Variants in DIAPH3 observed in about 807,000 individuals in gnomAD.
The protein encoded by DIAPH3 is diaphanous related formin 3.
Under a neutral mutation model 144.3 loss-of-function variants are expected in DIAPH3, and 117 were observed. That is an observed-to-expected ratio of 0.81 (90% confidence interval 0.70 to 0.95). DIAPH3 has a LOEUF of 0.95. Ranked by LOEUF, DIAPH3 falls within the 40% of genes least tolerant of loss-of-function variation. The pLI, the probability that DIAPH3 is intolerant of heterozygous loss-of-function variation, is 0.00. For missense variants in DIAPH3, 1,421 were observed against 1,412.7 expected, an observed-to-expected ratio of 1.01 and a Z score of -0.09; for synonymous variants, 519 against 488.9, an observed-to-expected ratio of 1.06 and a Z score of -0.81.
chr13:59,777,450 T>C (rs2038479721), intron 25 of DIAPH3, among the ~76,000 whole-genome samples: 1 of 152,082 alleles, frequency 6.6e-6, no homozygotes. Context: ...ACTACAAAAT[T>C]CACCACATTA....
At chr13:59,997,108 G>A (rs2052244215) in intron 9 of DIAPH3, among the ~76,000 whole-genome samples, 1 of 151,958 alleles carries the variant, frequency 6.6e-6, no homozygotes, top group Non-Finnish European at 1.5e-5. Flanking sequence ...TATTTATTTG[G>A]TCAGATACAG....
chr13:59,840,868 A>G (rs909002541), intron 22 of DIAPH3, among the ~76,000 whole-genome samples: 3 of 151,822 alleles, frequency 2.0e-5, no homozygotes, highest in Non-Finnish European at 4.4e-5. Flanking sequence ...TTGAATTTAC[A>G]CACTAAATGC....
chr13:59,693,169 C>A (rs957356669), intron 27 of DIAPH3, among the ~76,000 whole-genome samples: 13 of 152,206 alleles, frequency 8.5e-5, no homozygotes, highest in Admixed American at 7.9e-4. Context: ...GTGAAGGCCT[C>A]CGGTGGAAGG....
At chr13:59,901,610 C>G (rs191524549) in intron 20 of DIAPH3, among the ~76,000 whole-genome samples, 14 of 152,266 alleles carry the variant, frequency 9.2e-5, no homozygotes, top group Non-Finnish European at 1.8e-4. Context: ...CAAATAGGGA[C>G]TAAGAGAAGG....
intron 25 of DIAPH3, among the ~76,000 whole-genome samples, chr13:59,782,291 A>C (rs1472732621): frequency 6.6e-6 from 1 of 152,214 alleles, no homozygotes; most frequent in Non-Finnish European, 1.5e-5. Context: ...GGTAATCCAC[A>C]CAAGGTGGAT....
intron 27 of DIAPH3, among the ~76,000 whole-genome samples, chr13:59,720,080 A>C (rs998041086): frequency 6.6e-6 from 1 of 152,188 alleles, no homozygotes; most frequent in Non-Finnish European, 1.5e-5. Flanking sequence ...ATTATAGACT[A>C]TACTTACATA....
chr13:60,138,785 G>GAGGGAAGAGGGAAGAGGGAAGAGGGAAGA (rs1555383954), intron 1 of DIAPH3, among the ~76,000 whole-genome samples: 3 of 76,026 alleles, frequency 3.9e-5, no homozygotes, highest in Non-Finnish European at 5.6e-5. Context: ...AGGAGAAGAA[G>GAGGGAAGAGGGAAGAGGGAAGAGGGAAGA]GGGAAGAGGG....
At chr13:59,834,023 T>C (rs2041918088) in intron 23 of DIAPH3, among the ~76,000 whole-genome samples, 1 of 138,874 alleles carries the variant, frequency 7.2e-6, no homozygotes, top group South Asian at 2.2e-4. Context: ...TCTTTATGCA[T>C]TAGATTATTA....
intron 2 of DIAPH3, among the ~76,000 whole-genome samples, chr13:60,132,653 C>T (rs944361509): frequency 2.0e-5 from 3 of 152,004 alleles, no homozygotes; most frequent in African/African-American, 7.2e-5. Context: ...GCTATTTTTA[C>T]TTCTTTTTTG....
At chr13:59,777,238 C>T (rs1478005438) in intron 25 of DIAPH3, among the ~76,000 whole-genome samples, 1 of 151,988 alleles carries the variant, frequency 6.6e-6, no homozygotes, top group Non-Finnish European at 1.5e-5. Flanking sequence ...GACAAAGAAG[C>T]CAGATTGAAA....
chr13:60,045,132 G>A (rs368951531), intron 4 of DIAPH3, among the ~76,000 whole-genome samples: 15 of 152,140 alleles, frequency 9.9e-5, no homozygotes, highest in African/African-American at 2.9e-4. Flanking sequence ...ACCTGAGGGC[G>A]GGAGTTCGAG....
intron 27 of DIAPH3, among the ~76,000 whole-genome samples, chr13:59,683,130 A>G (rs1355863266): frequency 2.0e-5 from 3 of 152,210 alleles, no homozygotes; most frequent in Non-Finnish European, 4.4e-5. Flanking sequence ...ATAAACAGAC[A>G]CAGTCCCTGC....
intron 2 of DIAPH3, among the ~76,000 whole-genome samples, chr13:60,118,907 A>G (rs1343306617): frequency 6.6e-6 from 1 of 152,226 alleles, no homozygotes; most frequent in Non-Finnish European, 1.5e-5. Context: ...TATCCGTCAC[A>G]GCACACAGTA....
intron 3 of DIAPH3, among the ~76,000 whole-genome samples, chr13:60,107,375 C>T (rs772739008): frequency 1.3e-5 from 2 of 151,714 alleles, no homozygotes; most frequent in African/African-American, 4.8e-5. Flanking sequence ...AAGAATTACA[C>T]AAGGGATTTC....
At chr13:59,780,718 T>A (rs1390412797) in intron 25 of DIAPH3, among the ~76,000 whole-genome samples, 6 of 152,186 alleles carry the variant, frequency 3.9e-5, no homozygotes, top group African/African-American at 1.4e-4. Context: ...TAAGGACATG[T>A]CTGAGATCTC....
intron 24 of DIAPH3, among the ~76,000 whole-genome samples, chr13:59,824,022 G>T (rs2041230791): frequency 6.6e-6 from 1 of 151,980 alleles, no homozygotes; most frequent in African/African-American, 2.4e-5. Flanking sequence ...CTTAAAGTCG[G>T]CAAACAGCAC....
chr13:59,972,798 G>GTGAC (rs758869754), intron 15 of DIAPH3, among the ~76,000 whole-genome samples: 6 of 152,184 alleles, frequency 3.9e-5, no homozygotes, highest in Non-Finnish European at 7.3e-5. Flanking sequence ...GCCAGACACT[G>GTGAC]TGACTATCTT....
chr13:60,010,995 C>G (rs1486702070), intron 7 of DIAPH3, among the ~76,000 whole-genome samples: 1 of 151,910 alleles, frequency 6.6e-6, no homozygotes, highest in Non-Finnish European at 1.5e-5. Context: ...ATCTCAGCTA[C>G]TCGGTAGGCT....
chr13:59,808,461 T>C (rs2139535210), intron 25 of DIAPH3, among the ~76,000 whole-genome samples: 1 of 152,128 alleles, frequency 6.6e-6, no homozygotes, highest in South Asian at 2.1e-4. Context: ...CAAGGCACAA[T>C]CATAACCCAA....
Sources: allele counts gnomAD v4.1 joint callset (sites outside exome capture counted in the v4.1 genomes callset), GRCh38; gene constraint gnomAD v4.1.1; transcripts MANE v1.5; gene names NCBI Gene and HGNC (gene_info 2026-07-23, HGNC 2026-07-21).